The following TMPRSS7 variants were observed in gnomAD, a reference collection of about 807,000 sequenced individuals.
TMPRSS7 encodes the protein transmembrane protease serine 7.
TMPRSS7 carries 81 observed loss-of-function variants against 95.6 expected under a neutral mutation model. That is an observed-to-expected ratio of 0.85 (90% CI 0.71 to 1.02). The LOEUF is 1.02. Ranked by LOEUF, TMPRSS7 falls within the 50% of genes least tolerant of loss-of-function variation. The pLI is 0.00. For synonymous variants in TMPRSS7, 364 were observed against 337.8 expected, an observed-to-expected ratio of 1.08 and a Z score of -0.85; for missense variants, 945 against 955.2, an observed-to-expected ratio of 0.99 and a Z score of 0.14.
chr3:112,074,995 G>T (rs1332874981), intron 14 of TMPRSS7, among the ~76,000 whole-genome samples: 1 of 152,156 alleles, frequency 6.6e-6, no homozygotes, highest in East Asian at 1.9e-4. Flanking sequence ...CAACTTCAAA[G>T]AAATTCTCAA....
chr3:112,043,966 C>G (rs893784613), intron 3 of TMPRSS7, among the ~76,000 whole-genome samples: 11 of 152,142 alleles, frequency 7.2e-5, no homozygotes, highest in Non-Finnish European at 1.3e-4. Flanking sequence ...GAAAATTAAC[C>G]TTTGCAGTGG....
intron 10 of TMPRSS7, among the ~76,000 whole-genome samples, chr3:112,059,204 G>T (rs937092545): frequency 6.6e-6 from 1 of 152,180 alleles, no homozygotes; most frequent in Non-Finnish European, 1.5e-5. Context: ...AACTGCTTTG[G>T]TGTGCTAGAG....
intron 16 of TMPRSS7, among the ~76,000 whole-genome samples, chr3:112,077,479 G>T (rs1177629075): frequency 6.6e-6 from 1 of 152,168 alleles, no homozygotes; most frequent in Non-Finnish European, 1.5e-5. Context: ...TTCATTCAAA[G>T]AAATGATTCA....
chr3:112,056,993 A>AT (rs763943474), intron 9 of TMPRSS7, 32 bp from the exon 10 acceptor site: 124 of 1,477,302 alleles, frequency 8.4e-5, no homozygotes, highest in Non-Finnish European at 1.1e-4. Context: ...TGATTGAAGC[A>AT]TTTTTTTCTG....
chr3:112,047,905 T>C lies in TMPRSS7; in HGVS notation c.897T>C (p.Cys299=), dbSNP rs1351036867. The stretch of plus-strand genomic sequence containing the variant: ...CCATCCAAATCGAAGCCGACAACTG[T>C]GTCACTGACTCCCTGACCATTTACG... The change falls in exon 7 of 18, where the codon TGT becomes TGC. Residue 299 remains cysteine (C), a synonymous_variant. Coordinates refer to ENST00000452346, the Ensembl canonical transcript of TMPRSS7. The C allele has an allele frequency of 2.5e-6, 4 of 1,614,010 alleles. No homozygotes were observed. The East Asian group carries it at 8.9e-5, about 36-fold the overall frequency.
At chr3:112,066,952 T>TTTTTTACATTAC (rs1240196902) in intron 13 of TMPRSS7, among the ~76,000 whole-genome samples, 1 of 152,158 alleles carries the variant, frequency 6.6e-6, no homozygotes, top group Non-Finnish European at 1.5e-5. Flanking sequence ...TTACATTAGG[T>TTTTTTACATTAC]ATTTCTCCTA....
At chr3:112,065,266 T>C (rs2073561544) in intron 12 of TMPRSS7, among the ~76,000 whole-genome samples, 1 of 152,114 alleles carries the variant, frequency 6.6e-6, no homozygotes, top group Non-Finnish European at 1.5e-5. Context: ...AGTCTAAAAC[T>C]CCTGACCTCA....
In TMPRSS7 at chr3:112,076,065, T is replaced by C. The variant is rs557268693; in HGVS notation, c.1955+573T>C. Reference sequence around the variant, plus strand: ...ATTATTAAGATAGCTTCACATCTGTTTGATCATGAGTCTCTAATGCTGTGA... The same window carrying C: ...ATTATTAAGATAGCTTCACATCTGTCTGATCATGAGTCTCTAATGCTGTGA... On this transcript the variant is annotated intron_variant, in intron 15 of 17. Coordinates refer to ENST00000452346, the Ensembl canonical transcript of TMPRSS7. 5.9e-5 allele frequency among the ~76,000 whole-genome samples: 9 copies of C among 152,380 alleles called. No individual in the cohort carries two copies. In the East Asian group the frequency reaches 1.7e-3, roughly 29 times the overall value.
At chr3:112,058,626 C>G (rs1049439817) in intron 10 of TMPRSS7, among the ~76,000 whole-genome samples, 8 of 152,128 alleles carry the variant, frequency 5.3e-5, no homozygotes, top group African/African-American at 1.9e-4. Flanking sequence ...AAAGATACTG[C>G]ATTTTGGTAT....
intron 13 of TMPRSS7, among the ~76,000 whole-genome samples, chr3:112,072,708 C>G (rs2073665488): frequency 6.6e-6 from 1 of 152,264 alleles, no homozygotes; most frequent in South Asian, 2.1e-4. Context: ...AGGCTGCCGC[C>G]TGGCAGTTGG....
intron 14 of TMPRSS7, among the ~76,000 whole-genome samples, chr3:112,074,943 G>T (rs1325683324): frequency 2.0e-5 from 3 of 152,154 alleles, no homozygotes. Context: ...ATTTGTCCAG[G>T]TCTTATAAAT....
At chr3:112,048,544 T>C (rs1224829615) in intron 7 of TMPRSS7, among the ~76,000 whole-genome samples, 1 of 152,224 alleles carries the variant, frequency 6.6e-6, no homozygotes, top group Non-Finnish European at 1.5e-5. Flanking sequence ...TATTTATTTA[T>C]GGGTGCTTAA....
chr3:112,068,212 G>A (rs1241697658), intron 13 of TMPRSS7, among the ~76,000 whole-genome samples: 3 of 152,196 alleles, frequency 2.0e-5, no homozygotes, highest in African/African-American at 7.2e-5. Context: ...GCACCATGCT[G>A]TTTTGGTTAC....
At chr3:112,065,076 T>C (rs2073556982) in intron 12 of TMPRSS7, among the ~76,000 whole-genome samples, 2 of 152,250 alleles carry the variant, frequency 1.3e-5, no homozygotes, top group Non-Finnish European at 2.9e-5. Flanking sequence ...GGTATTGCTC[T>C]GCCATCCAGG....
intron 1 of TMPRSS7, 110 bp downstream of exon 1, chr3:112,035,003 T>C: frequency 1.5e-6 from 1 of 647,268 alleles, no homozygotes; most frequent in Non-Finnish European, 2.8e-6. Context: ...AATAATAAAA[T>C]ATTTTATCTT....
chr3:112,062,937 G>T (rs1487160107), intron 11 of TMPRSS7, among the ~76,000 whole-genome samples: 1 of 152,212 alleles, frequency 6.6e-6, no homozygotes, highest in African/African-American at 2.4e-5. Context: ...AAGCCTGGTT[G>T]AAGAGGAAAG....
exon 15 of TMPRSS7, chr3:112,075,430 T>C (rs1371567845): frequency 6.4e-7 from 1 of 1,552,312 alleles, no homozygotes; most frequent in African/African-American, 1.4e-5. Context: ...CTGCCTACTG[T>C]GGTGCCTCAG....
chr3:112,048,019 GT>G, intron 7 of TMPRSS7, 52 bp downstream of exon 7: 1 of 1,535,136 alleles, frequency 6.5e-7, no homozygotes, highest in Non-Finnish European at 9.0e-7. Flanking sequence ...CACAACCTCT[GT>G]TTTACAGTAT....
intron 11 of TMPRSS7, 94 bp downstream of exon 11, chr3:112,062,017 C>G (rs1298421734): frequency 1.1e-6 from 1 of 932,578 alleles, no homozygotes; most frequent in African/African-American, 1.7e-5. Flanking sequence ...GAAATGAATA[C>G]TGCTTTATTT....
Sources: allele counts gnomAD v4.1 joint callset (sites outside exome capture counted in the v4.1 genomes callset), GRCh38; gene constraint gnomAD v4.1.1; transcripts MANE v1.5; gene names NCBI Gene and HGNC (gene_info 2026-07-23, HGNC 2026-07-21).